The following USP15 variants were observed in gnomAD, a reference collection of about 807,000 sequenced individuals.
USP15 encodes the protein ubiquitin carboxyl-terminal hydrolase 15.
USP15 carries 18 observed loss-of-function variants against 127.1 expected under a neutral mutation model. The ratio of observed to expected loss-of-function variants is 0.14; its 90% confidence interval spans 0.10 to 0.21. The LOEUF is 0.21. USP15 is among the 10% of genes least tolerant of loss of function. The pLI, the probability that USP15 is intolerant of heterozygous loss-of-function variation, is 1.00. For synonymous variants in USP15, 364 were observed against 393.7 expected (o/e 0.92, Z 0.89); for missense variants, 805 against 1,159.9 (o/e 0.69, Z 4.44).
intron 19 of USP15, among the ~76,000 whole-genome samples, chr12:62,395,338 C>G (rs1329611382): frequency 6.6e-6 from 1 of 152,120 alleles, no homozygotes; most frequent in Non-Finnish European, 1.5e-5. Flanking sequence ...ATCTGAATGA[C>G]AACATTCCAC....
chr12:62,321,638 A>T, intron 5 of USP15, 29 bp downstream of exon 5: 1 of 1,383,218 alleles, frequency 7.2e-7, no homozygotes, highest in Non-Finnish European at 9.6e-7. Flanking sequence ...ATACTGTATT[A>T]TACATGAAGG....
chr12:62,367,862 T>G lies in USP15; in HGVS notation c.915+12387T>G, dbSNP rs572391730. Among the ~76,000 whole-genome samples, 50 of 152,262 alleles carry G rather than the reference T, an allele frequency of 3.3e-4. 1 individual carries two copies. In the South Asian group the frequency reaches 0.01, roughly 32 times the overall value. On this transcript the variant is annotated intron_variant, in intron 8 of 21. Transcript: ENST00000280377. ...TCTTGTCTTCTGCTATCTTTTGAAT[T>G]TGTTTGCTCTTGCTTCTCTAGTTCT...
chr12:62,374,201 A>T (rs1444100292), intron 8 of USP15, among the ~76,000 whole-genome samples: 2 of 152,040 alleles, frequency 1.3e-5, no homozygotes, highest in African/African-American at 4.8e-5. Flanking sequence ...TTAAATCATA[A>T]CAAACTAAGA....
intron 8 of USP15, among the ~76,000 whole-genome samples, chr12:62,367,895 G>A (rs1355080809): frequency 6.6e-6 from 1 of 152,018 alleles, no homozygotes; most frequent in Non-Finnish European, 1.5e-5. Flanking sequence ...TCTTTTAATT[G>A]TGATGTTAGG....
At chr12:62,396,481 T>C (rs1457343569) in intron 20 of USP15, 83 bp downstream of exon 20, 6 of 1,158,948 alleles carry the variant, frequency 5.2e-6, no homozygotes, top group Non-Finnish European at 6.4e-6. Context: ...TTATTACTTC[T>C]TAAGGATAAA....
chr12:62,335,731 C>G (rs778350703), intron 6 of USP15: 2 of 985,374 alleles, frequency 2.0e-6, no homozygotes, highest in Non-Finnish European at 2.4e-6. Context: ...TGACAGCCAC[C>G]TACATTTAAA....
At chr12:62,370,021 C>G (rs2066610527) in intron 8 of USP15, among the ~76,000 whole-genome samples, 1 of 152,168 alleles carries the variant, frequency 6.6e-6, no homozygotes, top group Non-Finnish European at 1.5e-5. Flanking sequence ...TATCACCAGG[C>G]TGGAGTGCAG....
intron 6 of USP15, chr12:62,328,242 A>G (rs1178928420): frequency 1.6e-5 from 7 of 437,770 alleles, no homozygotes; most frequent in Non-Finnish European, 9.1e-6. Context: ...TATAAAAAGC[A>G]GTTGTTTTTT....
intron 6 of USP15, chr12:62,335,058 A>G (rs1388116394): frequency 9.9e-7 from 1 of 1,012,650 alleles, no homozygotes; most frequent in Non-Finnish European, 1.5e-6. Context: ...AGGGCACGAT[A>G]TGTTACACCT....
intron 1 of USP15, chr12:62,278,635 A>G (rs2063560846): frequency 1.3e-5 from 2 of 152,326 alleles, no homozygotes; most frequent in South Asian, 4.1e-4. Context: ...GTCATTATGC[A>G]GTGCATGACT....
intron 8 of USP15, among the ~76,000 whole-genome samples, chr12:62,364,578 A>T (rs1473480819): frequency 2.0e-5 from 3 of 152,058 alleles, no homozygotes; most frequent in Non-Finnish European, 2.9e-5. Context: ...TCATATTATT[A>T]TACTTTAAGT....
At chr12:62,335,340 C>A in intron 6 of USP15, 1 of 1,435,332 alleles carries the variant, frequency 7.0e-7, no homozygotes, top group South Asian at 1.5e-5. Context: ...AGTCAGAAGT[C>A]GGAATCAGAA....
chr12:62,397,671 A>G (rs936413303), intron 20 of USP15, among the ~76,000 whole-genome samples: 2 of 151,936 alleles, frequency 1.3e-5, no homozygotes, highest in African/African-American at 4.8e-5. Flanking sequence ...ATCCTGGCCA[A>G]CATGGTGAAA....
Position 62,416,176 on chromosome 12 carries a change from G to A in USP15, c.*11801G>A, listed in dbSNP as rs1037868561. The A allele has an allele frequency of 6.6e-6, 1 of 152,104 alleles. No individual in the cohort carries two copies. Among genetic ancestry groups the A allele is most frequent in the African/African-American group, 2.4e-5 (1 of 41,412 alleles). The allele number at this position is 152,104 out of a possible 1,614,324, so 9.4% of individuals were successfully genotyped here. A position where few individuals can be genotyped will look rare whatever the true frequency, so the allele number is the denominator to read the frequency against. On this transcript the variant is annotated 3_prime_UTR_variant, in exon 22 of 22. Transcript: ENST00000280377. ...GCATGGTCTGCCTTATCTCTTACCT[G>A]GCGAACTCCTACACTCCTTCAAGAC...
intron 18 of USP15, 151 bp downstream of exon 18, chr12:62,392,538 G>C: frequency 1.8e-6 from 1 of 550,370 alleles, no homozygotes; most frequent in Non-Finnish European, 3.1e-6. Context: ...CTATTAAGAG[G>C]GATGGGAATG....
In USP15 at chr12:62,303,167, G is replaced by A. The variant is rs184354253; in HGVS notation, c.348+247G>A. The stretch of plus-strand genomic sequence containing the variant: ...GAGAGAAAACTCTGTAAGGTAAGTA[G>A]TAGGAAATGAGGATAAAAAGTTAGG... On this transcript the variant is annotated intron_variant, in intron 3 of 21. Coordinates refer to ENST00000280377, the MANE Select transcript of USP15 (RefSeq NM_001252078.2). 5.4e-4 allele frequency: 145 copies of A among 268,482 alleles called. 4 individuals carry two copies. The East Asian group carries it at 9.3e-3, about 17-fold the overall frequency. The allele number at this position is 268,482 out of a possible 1,614,324, so 16.6% of individuals were successfully genotyped here. A position where few individuals can be genotyped will look rare whatever the true frequency, so the allele number is the denominator to read the frequency against.
At chr12:62,274,421 A>AC (rs371598459) in intron 1 of USP15, 26 of 150,776 alleles carry the variant, frequency 1.7e-4, no homozygotes, top group African/African-American at 5.3e-4. Context: ...AGCAACAACA[A>AC]AAAAAAAAAA....
At chr12:62,385,205 G>T (rs2067110996) in intron 11 of USP15, among the ~76,000 whole-genome samples, 1 of 151,770 alleles carries the variant, frequency 6.6e-6, no homozygotes, top group African/African-American at 2.4e-5. Flanking sequence ...TATTCATCAA[G>T]ATACTTAACT....
At chr12:62,287,744 T>C (rs918250859) in intron 1 of USP15, among the ~76,000 whole-genome samples, 5 of 152,104 alleles carry the variant, frequency 3.3e-5, no homozygotes, top group African/African-American at 1.2e-4. Context: ...GTTGTTGTTT[T>C]TCCACCTTGA....
Sources: gnomAD v4.1 joint callset for allele counts (sites outside exome capture counted in the v4.1 genomes callset) on GRCh38, gnomAD v4.1.1 for gene constraint, MANE v1.5 for transcripts, NCBI Gene and HGNC (gene_info 2026-07-23, HGNC 2026-07-21) for gene names.